Variants in PTDSS1 observed in about 807,000 individuals in gnomAD.
PTDSS1 encodes phosphatidylserine synthase 1.
A neutral mutation model predicts 70.5 loss-of-function variants in PTDSS1; 45 were observed. The observed-to-expected ratio is 0.64, with a 90% CI of 0.50 to 0.82. The LOEUF is 0.82. Among genes scored for constraint, PTDSS1 ranks in the 40% least tolerant of loss-of-function variants. The probability of loss-of-function intolerance (pLI) is 0.00; values close to 1 mark genes in which losing one functional copy is unlikely to be tolerated. For synonymous variants in PTDSS1, 188 were observed against 203.8 expected (o/e 0.92, Z 0.66); for missense variants, 417 against 586.1 (o/e 0.71, Z 2.98).
rs1811356106 is a variant in PTDSS1 at position 96,320,287 on chromosome 8, G to A, written c.1115G>A (p.Gly372Glu). The A allele has an allele frequency of 3.1e-6, 5 of 1,613,360 alleles. No individual in the cohort carries two copies. The highest frequency in any genetic ancestry group is 4.2e-6 in the Non-Finnish European group (5 of 1,179,346). ...GAGGCCATTGTTTGCATAAAATTTG[G>A]ACAAGATCTCTTCTCTAAGACCCAA... ...FLEAIVCIKF[G>E]QDLFSKTQIL... The change falls in exon 10 of 13, where the codon GGA (glycine) becomes GAA (glutamate). Residue 372 changes from glycine (G) to glutamate (E), a missense_variant. Physicochemically the swap from Gly to Glu is moderately conservative, Grantham distance 98. Coordinates refer to ENST00000517309, the MANE Select transcript of PTDSS1 (RefSeq NM_014754.3).
chr8:96,295,647 A>G (rs541868455), intron 5 of PTDSS1, among the ~76,000 whole-genome samples: 9 of 152,224 alleles, frequency 5.9e-5, no homozygotes, highest in Non-Finnish European at 1.3e-4. Flanking sequence ...GTACTATAAG[A>G]GCATCCAGGG....
chr8:96,296,418 G>C (rs971794586), intron 5 of PTDSS1, among the ~76,000 whole-genome samples: 1 of 152,210 alleles, frequency 6.6e-6, no homozygotes, highest in South Asian at 2.1e-4. Context: ...GATTACAGGC[G>C]TGAGCCACTG....
rs998293198 is a variant in PTDSS1, at chr8:96,261,903, C to T, written c.-138C>T. 24 of 923,140 alleles carry T rather than the reference C, an allele frequency of 2.6e-5. No homozygotes were observed. Among genetic ancestry groups the T allele is most frequent in the Middle Eastern group, 3.5e-4 (1 of 2,898 alleles). 57.2% of individuals were successfully genotyped at this position (923,140 alleles called of 1,614,324 possible). On this transcript the variant is annotated 5_prime_UTR_variant, in exon 1 of 13. Transcript: ENST00000517309. ...CCCCGCCCTCTCGCGCCTGTCCTTC[C>T]CTCTGCTCCCAGCCTTTGCTGGGCG...
intron 4 of PTDSS1, 140 bp from the exon 5 acceptor site, chr8:96,294,958 A>AAC (rs1810954307): frequency 2.6e-6 from 2 of 770,310 alleles, no homozygotes; most frequent in African/African-American, 3.6e-5. Context: ...CCCTTAAGTT[A>AAC]TTAAAACTTT....
chr8:96,263,419 CA>C (rs1288021604), intron 1 of PTDSS1, among the ~76,000 whole-genome samples: 1 of 152,190 alleles, frequency 6.6e-6, no homozygotes, highest in Non-Finnish European at 1.5e-5. Flanking sequence ...CTTTTGGTTT[CA>C]AAACTGGCTG....
In PTDSS1 at chr8:96,334,169, T is replaced by C. The variant is rs999512315; in HGVS notation, c.*603T>C. 2.9e-5 allele frequency: 6 copies of C among 209,338 alleles called. No individual in the cohort carries two copies. The highest frequency in any genetic ancestry group is 1.6e-4 in the Admixed American group (3 of 18,270). The allele number at this position is 209,338 out of a possible 1,614,324, so 13.0% of individuals were successfully genotyped here. Reference sequence around the variant, plus strand: ...AAAAGGGAGAGAGGTGTTGTATTCCTGTTTGGTAACCTCAGTCTCCTGTAA... The same window carrying C: ...AAAAGGGAGAGAGGTGTTGTATTCCCGTTTGGTAACCTCAGTCTCCTGTAA... On this transcript the variant is annotated 3_prime_UTR_variant, in exon 13 of 13. Transcript: ENST00000517309.
intron 10 of PTDSS1, 41 bp from the exon 11 acceptor site, chr8:96,330,172 T>C: frequency 6.4e-7 from 1 of 1,551,980 alleles, no homozygotes; most frequent in Non-Finnish European, 8.9e-7. Context: ...TTCTGGGAAA[T>C]TGAACTTTTT....
At chr8:96,292,400 G>A (rs758512843) in intron 4 of PTDSS1, among the ~76,000 whole-genome samples, 4 of 151,820 alleles carry the variant, frequency 2.6e-5, no homozygotes, top group South Asian at 2.1e-4. Context: ...TGAAAAAGAC[G>A]TGTCATAGAT....
chr8:96,285,715 T>C (rs1165304050), intron 3 of PTDSS1, among the ~76,000 whole-genome samples: 1 of 152,162 alleles, frequency 6.6e-6, no homozygotes, highest in Non-Finnish European at 1.5e-5. Context: ...TGTGCATCCA[T>C]GGACATTGAC....
At chr8:96,318,032 T>G (rs1276043403) in intron 9 of PTDSS1, among the ~76,000 whole-genome samples, 2 of 151,822 alleles carry the variant, frequency 1.3e-5, no homozygotes, top group Admixed American at 1.3e-4. Flanking sequence ...CCAATCAGCA[T>G]GCTTTTAAAA....
intron 2 of PTDSS1, among the ~76,000 whole-genome samples, chr8:96,283,354 T>C (rs1399796903): frequency 1.3e-5 from 2 of 152,228 alleles, no homozygotes; most frequent in Non-Finnish European, 2.9e-5. Context: ...TGCTTTTCCA[T>C]AGCTGTGAGG....
intron 2 of PTDSS1, among the ~76,000 whole-genome samples, chr8:96,281,507 T>C (rs899624065): frequency 2.0e-5 from 3 of 152,158 alleles, no homozygotes; most frequent in African/African-American, 7.2e-5. Context: ...CTGGCTTTTA[T>C]CTCTAGAGCT....
At chr8:96,315,714 A>G (rs901388607) in intron 9 of PTDSS1, among the ~76,000 whole-genome samples, 3 of 152,190 alleles carry the variant, frequency 2.0e-5, no homozygotes, top group African/African-American at 2.4e-5. Flanking sequence ...AGGCTGCCCA[A>G]ATGTTTATTT....
chr8:96,301,174 GGCTGC>G (rs1811044983), intron 6 of PTDSS1, among the ~76,000 whole-genome samples: 1 of 152,072 alleles, frequency 6.6e-6, no homozygotes, highest in Non-Finnish European at 1.5e-5. Context: ...CTGTCACCCA[GGCTGC>G]AGTGCAGTGG....
chr8:96,269,467 A>G (rs534794252), intron 1 of PTDSS1, among the ~76,000 whole-genome samples: 13 of 152,322 alleles, frequency 8.5e-5, no homozygotes, highest in African/African-American at 2.9e-4. Flanking sequence ...ACAGCATCAC[A>G]ATGGAAAGCT....
In PTDSS1 at chr8:96,332,245, G is replaced by T. The variant is rs1448899498; in HGVS notation, c.1312+1150G>T. Among the ~76,000 whole-genome samples, 6 of 152,148 alleles carry T rather than the reference G, an allele frequency of 3.9e-5. No individual in the cohort carries two copies. The South Asian group carries it at 1.0e-3, about 26-fold the overall frequency. On this transcript the variant is annotated intron_variant, in intron 12 of 12. Transcript: ENST00000517309. ...AGACTTGTAGAATAATGACATTGAG[G>T]TGATTTCATTGGACAGTAATTCCTC... is the stretch of plus-strand genomic sequence containing the variant.
intron 1 of PTDSS1, among the ~76,000 whole-genome samples, chr8:96,266,381 TTGAC>T (rs905414439): frequency 6.6e-6 from 1 of 152,230 alleles, no homozygotes; most frequent in African/African-American, 2.4e-5. Flanking sequence ...GACTGATTGA[TTGAC>T]TGATTGATTT....
At chr8:96,269,424 C>T (rs1810531182) in intron 1 of PTDSS1, among the ~76,000 whole-genome samples, 2 of 152,160 alleles carry the variant, frequency 1.3e-5, no homozygotes, top group Admixed American at 6.5e-5. Context: ...TTAGTAGCTG[C>T]AGTAGACCCA....
intron 9 of PTDSS1, among the ~76,000 whole-genome samples, chr8:96,311,480 C>T (rs1338676238): frequency 2.0e-5 from 3 of 152,202 alleles, no homozygotes; most frequent in South Asian, 2.1e-4. Flanking sequence ...AAGAAGTCAA[C>T]CATTTAGAGA....
Sources: allele counts gnomAD v4.1 joint callset (sites outside exome capture counted in the v4.1 genomes callset), GRCh38; gene constraint gnomAD v4.1.1; transcripts MANE v1.5; gene names NCBI Gene and HGNC (gene_info 2026-07-23, HGNC 2026-07-21).